SPATA31A3: variants seen among roughly 807,000 people sequenced by gnomAD.
SPATA31A3 encodes spermatogenesis-associated protein 31A3.
For synonymous variants in SPATA31A3, 47 were observed against 419.3 expected, an observed-to-expected ratio of 0.11 and a Z score of 10.85; for missense variants, 132 against 1,094.6, an observed-to-expected ratio of 0.12 and a Z score of 12.41.
At chr9:66,987,214 C>A (rs1823247753) in exon 4 of SPATA31A3, 1 of 1,181,336 alleles carries the variant, frequency 8.5e-7, no homozygotes, top group African/African-American at 1.7e-5. Context: ...CTTGCATGAG[C>A]CTTGACAGTT....
exon 4 of SPATA31A3, chr9:66,987,244 T>C (rs373820136): frequency 8.2e-7 from 1 of 1,222,806 alleles, no homozygotes; most frequent in South Asian, 1.2e-5. Context: ...GGGCTCCTCG[T>C]GCACCAGTTT....
exon 4 of SPATA31A3, chr9:66,987,449 T>C: frequency 1.6e-6 from 2 of 1,285,076 alleles, no homozygotes; most frequent in Non-Finnish European, 2.1e-6. Context: ...TTTGTGGCCA[T>C]TCCAGGCTCA....
chr9:66,987,672 T>C, exon 4 of SPATA31A3: 1 of 1,584,276 alleles, frequency 6.3e-7, no homozygotes, highest in Non-Finnish European at 8.5e-7. Flanking sequence ...AAGATTGGGC[T>C]CCTAAGCTCC....
chr9:66,987,095 G>T, exon 4 of SPATA31A3: 1 of 1,294,194 alleles, frequency 7.7e-7, no homozygotes, highest in South Asian at 1.2e-5. Flanking sequence ...TTCCTGACTG[G>T]GGTAAGTTGA....
chr9:66,987,158 T>C lies in SPATA31A3; in HGVS notation c.3340A>G (p.Arg1114Gly), dbSNP rs757999370. ...TCATGTTTTTCTAAGTTGGGCTTCC[T>C]AAACTTCTCACTCTTGTGAATAGGG... Residue 1114 changes from arginine to glycine, a missense_variant, in exon 4 of 4, where the codon AGG becomes GGG. Coordinates refer to ENST00000428649, the Ensembl canonical transcript of SPATA31A3. The C allele has an allele frequency of 2.5e-6, 3 of 1,181,518 alleles. 1 individual carries two copies. The highest frequency in any genetic ancestry group is 3.6e-6 in the Non-Finnish European group (3 of 830,690). 73.2% of individuals were successfully genotyped at this position (1,181,518 alleles called of 1,614,324 possible).
rs1162155236 is a variant in SPATA31A3, at chr9:66,990,172, AG to A, written c.325del (p.Asp110ThrfsTer43). On this transcript the variant is annotated frameshift_variant, in exon 4 of 4. Coordinates refer to ENST00000428649, the Ensembl canonical transcript of SPATA31A3. LOFTEE classifies it low-confidence loss of function (END_TRUNC). ...GAGCTGACCAAAGTCACCTTTGTCA[AG>A]GTGTGGCCCCAGGAGGCTGCAGGAG... 9.3e-6 allele frequency: 15 copies of A among 1,604,782 alleles called. No individual in the cohort carries two copies. The Admixed American group carries it at 2.5e-4, about 27-fold the overall frequency.
At chr9:66,991,734 T>TACACACACACACAC (rs55996942) in intron 1 of SPATA31A3, among the ~76,000 whole-genome samples, 12 of 55,074 alleles carry the variant, frequency 2.2e-4, no homozygotes, top group Non-Finnish European at 3.1e-4. Flanking sequence ...AAAATAAAAA[T>TACACACACACACAC]ACACACACAC....
rs1449046397 is a variant in SPATA31A3 at position 66,987,442 on chromosome 9, G to T, written c.3056C>A (p.Thr1019Lys). The change falls in exon 4 of 4, where the codon ACA (threonine) becomes AAA (lysine). Residue 1019 changes from threonine to lysine, a missense_variant. Transcript: ENST00000428649. ...AACTTGAGGCTGGGTCTCTGACTTT[G>T]TGGCCATTCCAGGCTCAAATTCACT... The T allele has an allele frequency of 2.4e-6, 3 of 1,259,698 alleles. 1 individual carries two copies. The highest frequency in any genetic ancestry group is 3.3e-6 in the Non-Finnish European group (3 of 907,538). The allele number at this position is 1,259,698 out of a possible 1,614,324, so 78.0% of individuals were successfully genotyped here.
rs780072364 is a variant in SPATA31A3, at chr9:66,987,148, T to C, written c.3350A>G (p.Asn1117Ser). 38 of 1,180,812 alleles carry C rather than the reference T, an allele frequency of 3.2e-5. 12 individuals are homozygous for C. The highest frequency in any genetic ancestry group is 4.1e-5 in the Non-Finnish European group (34 of 830,392). The allele number at this position is 1,180,812 out of a possible 1,614,324, so 73.1% of individuals were successfully genotyped here. A position where few individuals can be genotyped will look rare whatever the true frequency, so the allele number is the denominator to read the frequency against. Residue 1117 changes from asparagine to serine, a missense_variant, in exon 4 of 4, where the codon AAC (asparagine) becomes AGC (serine). Asn to Ser is a conservative substitution (Grantham distance 46). Transcript: ENST00000428649. ...AAGCCTTTCTTCATGTTTTTCTAAG[T>C]TGGGCTTCCTAAACTTCTCACTCTT...
rs1823287512 is a variant in SPATA31A3 at position 66,989,838 on chromosome 9, AG to A, written c.659del (p.Pro220LeufsTer15). ...GGGGAGGAGCAGTGAAGCCTTTTGG[AG>A]GAGGCAGAGAGCAGGCCAGAGGATC... is the stretch of plus-strand genomic sequence containing the variant. On this transcript the variant is annotated frameshift_variant, in exon 4 of 4. Coordinates refer to ENST00000428649, the Ensembl canonical transcript of SPATA31A3. LOFTEE classifies it low-confidence loss of function (END_TRUNC). 6.2e-7 allele frequency: 1 copy of A among 1,609,872 alleles called. No individual in the cohort carries two copies. Among genetic ancestry groups the A allele is most frequent in the East Asian group, 2.2e-5 (1 of 44,672 alleles).
chr9:66,988,658 G>A, exon 4 of SPATA31A3: 3 of 1,164,772 alleles, frequency 2.6e-6, no homozygotes, highest in Non-Finnish European at 2.4e-6. Flanking sequence ...ATCCTTCCCA[G>A]GTTGCCCCAG....
At chr9:66,991,164 G>T in intron 1 of SPATA31A3, 33 bp from the exon 2 acceptor site, 1 of 1,611,538 alleles carries the variant, frequency 6.2e-7, no homozygotes, top group Non-Finnish European at 8.5e-7. Context: ...GAGACAAGAT[G>T]ACGCGGAGAG....
chr9:66,986,600 G>A lies in SPATA31A3; in HGVS notation c.3898C>T (p.Gln1300Ter), dbSNP rs1587395868. ...ATTTGGGGATGTCGCAGGCCCCATT[G>A]CTCATTGTTGCACCGCACACTTTTC... Residue 1300 changes from glutamine to a stop codon, truncating the protein, a stop_gained, in exon 4 of 4, where the codon CAA becomes TAA. Coordinates refer to ENST00000428649, the Ensembl canonical transcript of SPATA31A3. LOFTEE classifies it low-confidence loss of function (END_TRUNC). 2.1e-6 allele frequency: 1 copy of A among 476,760 alleles called. No homozygotes were observed. Among genetic ancestry groups the A allele is most frequent in the South Asian group, 2.1e-5 (1 of 47,110 alleles). The allele number at this position is 476,760 out of a possible 1,614,324, so 29.5% of individuals were successfully genotyped here. A position where few individuals can be genotyped will look rare whatever the true frequency, so the allele number is the denominator to read the frequency against.
Position 66,986,650 on chromosome 9 carries a change from CTG to C in SPATA31A3, c.3846_3847del (p.Asp1282GlufsTer17), listed in dbSNP as rs1316899489. 8 of 897,368 alleles carry C rather than the reference CTG, an allele frequency of 8.9e-6. No homozygotes were observed. The highest frequency in any genetic ancestry group is 1.3e-5 in the Non-Finnish European group (8 of 625,954). The allele number at this position is 897,368 out of a possible 1,614,324, so 55.6% of individuals were successfully genotyped here. A position where few individuals can be genotyped will look rare whatever the true frequency, so the allele number is the denominator to read the frequency against. ...CAAGGGCTGTTGATTTCTGATTTGT[CTG>C]TCTCTGTTGGGACAACCCTGGCTCT... On this transcript the variant is annotated frameshift_variant, in exon 4 of 4. Coordinates refer to ENST00000428649, the Ensembl canonical transcript of SPATA31A3. LOFTEE classifies it low-confidence loss of function (END_TRUNC).
exon 4 of SPATA31A3, chr9:66,987,176 G>A: frequency 8.5e-7 from 1 of 1,181,642 alleles, no homozygotes; most frequent in Non-Finnish European, 1.2e-6. Flanking sequence ...TCACTCTTGT[G>A]AATAGGGGGA....
chr9:66,992,033 C>T (rs1408943222), intron 1 of SPATA31A3, among the ~76,000 whole-genome samples: 3 of 7,252 alleles, frequency 4.1e-4, no homozygotes, highest in East Asian at 0.034. Context: ...GGCCTGGTCT[C>T]GGACAGAGAC....
intron 1 of SPATA31A3, among the ~76,000 whole-genome samples, chr9:66,991,705 A>AAAATAAAATG (rs1221620580): frequency 1.6e-5 from 1 of 64,310 alleles, no homozygotes; most frequent in Non-Finnish European, 2.9e-5. Flanking sequence ...AAAATAAAAT[A>AAAATAAAATG]AAAATAACAC....
chr9:66,986,975 A>T lies in SPATA31A3; in HGVS notation c.3523T>A (p.Phe1175Ile), dbSNP rs772622968. Reference sequence around the variant, plus strand: ...GCTGGCTTGCTTTTTTTCTTTGAAAAAATCCACTGAAAAATTTGCTTGATG... The same window carrying T: ...GCTGGCTTGCTTTTTTTCTTTGAAATAATCCACTGAAAAATTTGCTTGATG... The change falls in exon 4 of 4, where the codon TTT (phenylalanine) becomes ATT (isoleucine). Residue 1175 changes from phenylalanine (F) to isoleucine (I), a missense_variant. Phe to Ile is a conservative substitution (Grantham distance 21). Coordinates refer to ENST00000428649, the Ensembl canonical transcript of SPATA31A3. 10 of 1,602,298 alleles carry T rather than the reference A, an allele frequency of 6.2e-6. No homozygotes were observed. In the East Asian group the frequency reaches 2.2e-4, roughly 36 times the overall value.
At position 66,989,948 on chromosome 9, in the gene SPATA31A3, AG is replaced by A; in HGVS notation, c.549del (p.Ser184ProfsTer10). On this transcript the variant is annotated frameshift_variant, in exon 4 of 4. Coordinates refer to ENST00000428649, the Ensembl canonical transcript of SPATA31A3. LOFTEE classifies it low-confidence loss of function (END_TRUNC). Reference sequence around the variant, plus strand: ...GGAAGGGAAGGTTCTGGTGGCTGGGAGGCACTTAGGGAGGAGACTGAGGTGG... The same window carrying A: ...GGAAGGGAAGGTTCTGGTGGCTGGGAGCACTTAGGGAGGAGACTGAGGTGG... The A allele has an allele frequency of 6.2e-7, 1 of 1,606,528 alleles. No individual in the cohort carries two copies. The highest frequency in any genetic ancestry group is 1.4e-5 in the African/African-American group (1 of 72,762).
Sources: allele counts gnomAD v4.1 joint callset (sites outside exome capture counted in the v4.1 genomes callset), GRCh38; gene constraint gnomAD v4.1.1; transcripts MANE v1.5; gene names NCBI Gene and HGNC (gene_info 2026-07-23, HGNC 2026-07-21).